The following MECOM variants were observed in gnomAD, a reference collection of about 807,000 sequenced individuals.
The protein encoded by MECOM is MDS1 and EVI1 complex locus, also known as histone-lysine N-methyltransferase MECOM.
MECOM carries 13 observed loss-of-function variants against 116.3 expected under a neutral mutation model. The ratio of observed to expected loss-of-function variants is 0.11; its 90% CI spans 0.07 to 0.18. MECOM has a LOEUF of 0.18. Ranked by LOEUF, MECOM falls within the 10% of genes least tolerant of loss-of-function variation. The pLI, the probability that MECOM is intolerant of heterozygous loss-of-function variation, is 1.00. For synonymous variants in MECOM, 528 were observed against 535.2 expected, an observed-to-expected ratio of 0.99 and a Z score of 0.19; for missense variants, 1,299 against 1,509.0, an observed-to-expected ratio of 0.86 and a Z score of 2.31.
intron 1 of MECOM, among the ~76,000 whole-genome samples, chr3:169,382,865 TAA>T (rs1194079538): frequency 2.2e-5 from 1 of 44,786 alleles, no homozygotes; most frequent in African/African-American, 6.8e-5. Context: ...AAAAAAAAAA[TAA>T]AAAAAATAAA....
intron 1 of MECOM, chr3:169,484,170 A>C (rs941622316): frequency 1.7e-5 from 11 of 645,122 alleles, no homozygotes; most frequent in Non-Finnish European, 3.0e-5. Flanking sequence ...TGCTTTGCCC[A>C]ATCCCATTAC....
intron 1 of MECOM, among the ~76,000 whole-genome samples, chr3:169,571,582 C>T (rs1022258301): frequency 1.8e-4 from 27 of 152,194 alleles, no homozygotes; most frequent in African/African-American, 6.5e-4. Flanking sequence ...CGCTACCTGA[C>T]TTCAAACTAT....
chr3:169,257,595 C>T (rs1485705256), intron 2 of MECOM, among the ~76,000 whole-genome samples: 1 of 150,870 alleles, frequency 6.6e-6, no homozygotes, highest in African/African-American at 2.5e-5. Context: ...GAAATTTTTG[C>T]ACAGTTTTTA....
intron 1 of MECOM, among the ~76,000 whole-genome samples, chr3:169,506,682 T>C (rs1755267300): frequency 6.6e-6 from 1 of 152,236 alleles, no homozygotes; most frequent in Non-Finnish European, 1.5e-5. Flanking sequence ...CAAAATTAAT[T>C]CTGTAAGATG....
At chr3:169,112,665 C>G (rs1302510118) in intron 9 of MECOM, 122 bp downstream of exon 9, 1 of 755,662 alleles carries the variant, frequency 1.3e-6, no homozygotes, top group Admixed American at 2.5e-5. Flanking sequence ...TTCCTGTGTT[C>G]TTCCACACCA....
chr3:169,445,459 G>T (rs56129308), intron 1 of MECOM, among the ~76,000 whole-genome samples: 4 of 152,112 alleles, frequency 2.6e-5, no homozygotes, highest in African/African-American at 9.7e-5. Flanking sequence ...CAGAAGTTAC[G>T]AATTGAGGTT....
chr3:169,477,251 T>A (rs1456629502), intron 1 of MECOM, among the ~76,000 whole-genome samples: 1 of 150,796 alleles, frequency 6.6e-6, no homozygotes, highest in Non-Finnish European at 1.5e-5. Flanking sequence ...TCTACCCCTG[T>A]CAAAGGAGAA....
chr3:169,159,527 C>T (rs1050239934), intron 2 of MECOM, among the ~76,000 whole-genome samples: 26 of 152,088 alleles, frequency 1.7e-4, no homozygotes, highest in African/African-American at 5.3e-4. Flanking sequence ...CCACTGCATC[C>T]AGCCCGGGCA....
chr3:169,262,450 C>T (rs1757683291), intron 2 of MECOM, among the ~76,000 whole-genome samples: 1 of 152,190 alleles, frequency 6.6e-6, no homozygotes, highest in Non-Finnish European at 1.5e-5. Context: ...CTCAAATTTT[C>T]CCATACTGTA....
intron 2 of MECOM, among the ~76,000 whole-genome samples, chr3:169,249,527 C>G (rs1221751582): frequency 2.0e-5 from 3 of 152,166 alleles, no homozygotes; most frequent in Non-Finnish European, 4.4e-5. Context: ...AAAAGTCTTG[C>G]TGAGAGTCGA....
intron 1 of MECOM, among the ~76,000 whole-genome samples, chr3:169,406,089 A>C (rs899970609): frequency 1.3e-5 from 2 of 152,194 alleles, no homozygotes; most frequent in African/African-American, 2.4e-5. Context: ...ATGATATCTC[A>C]TACATACACT....
Position 169,183,847 on chromosome 3 carries a change from TTTTTTTC to T in MECOM, c.376-40022_376-40016del, listed in dbSNP as rs1266451302. Reference sequence around the variant, plus strand: ...ATATATATATATACACACATACATATTTTTTTCTTTTTTCTTTTTTCTCTTTTTTTTT... The same window carrying T: ...ATATATATATATACACACATACATATTTTTTTCTTTTTTCTCTTTTTTTTT... On this transcript the variant is annotated intron_variant, in intron 2 of 16. Transcript: ENST00000651503. 6.7e-5 allele frequency among the ~76,000 whole-genome samples: 10 copies of T among 148,762 alleles called. No homozygotes were observed. In the East Asian group the frequency reaches 1.2e-3, roughly 18 times the overall value.
chr3:169,206,216 A>G (rs1577342352), intron 2 of MECOM, among the ~76,000 whole-genome samples: 1 of 152,296 alleles, frequency 6.6e-6, no homozygotes, highest in South Asian at 2.1e-4. Context: ...TCACTGCACT[A>G]TCAGCACATT....
At chr3:169,129,226 T>C (rs1182188146) in intron 4 of MECOM, among the ~76,000 whole-genome samples, 1 of 151,834 alleles carries the variant, frequency 6.6e-6, no homozygotes, top group Non-Finnish European at 1.5e-5. Flanking sequence ...AAAAAGAACA[T>C]GGCACATCCA....
chr3:169,656,054 G>A (rs1365732946), intron 1 of MECOM, among the ~76,000 whole-genome samples: 4 of 152,190 alleles, frequency 2.6e-5, no homozygotes, highest in African/African-American at 9.7e-5. Flanking sequence ...CGTTTGTAAT[G>A]CTTGTGAGAG....
chr3:169,413,484 T>G (rs1338708043), intron 1 of MECOM, among the ~76,000 whole-genome samples: 14 of 42,460 alleles, frequency 3.3e-4, no homozygotes, highest in Non-Finnish European at 6.1e-4. Flanking sequence ...TTTTGTTTTT[T>G]TTTTTATTTT....
intron 1 of MECOM, among the ~76,000 whole-genome samples, chr3:169,421,686 T>A (rs530990807): frequency 1.0e-4 from 15 of 150,200 alleles, no homozygotes; most frequent in Middle Eastern, 3.4e-3. Flanking sequence ...GTTTGTTTTT[T>A]TAAAAAAAAA....
chr3:169,350,400 G>T (rs1455987154), intron 2 of MECOM, among the ~76,000 whole-genome samples: 4 of 151,856 alleles, frequency 2.6e-5, no homozygotes, highest in Non-Finnish European at 4.4e-5. Context: ...GGCTTTCAGT[G>T]CTTCCTTCTC....
intron 1 of MECOM, among the ~76,000 whole-genome samples, chr3:169,660,369 T>C (rs1291279119): frequency 6.6e-6 from 1 of 152,208 alleles, no homozygotes; most frequent in Non-Finnish European, 1.5e-5. Flanking sequence ...TTTATCGGTT[T>C]CAACTACTGT....
Sources: allele counts gnomAD v4.1 joint callset (sites outside exome capture counted in the v4.1 genomes callset), GRCh38; gene constraint gnomAD v4.1.1; transcripts MANE v1.5; gene names NCBI Gene and HGNC (gene_info 2026-07-23, HGNC 2026-07-21).